PRKAG2: variants seen among roughly 807,000 people sequenced by gnomAD.
PRKAG2 encodes protein kinase AMP-activated non-catalytic subunit gamma 2.
Under a neutral mutation model 69.6 loss-of-function variants are expected in PRKAG2, and 26 were observed. The observed-to-expected ratio is 0.37, with a 90% CI of 0.27 to 0.52. The LOEUF is 0.52. Ranked by LOEUF, PRKAG2 falls within the 20% of genes least tolerant of loss-of-function variation. The pLI, the probability that PRKAG2 is intolerant of heterozygous loss-of-function variation, is 0.90. For missense variants in PRKAG2, 557 were observed against 740.0 expected (o/e 0.75, Z 2.87); for synonymous variants, 293 against 285.0 (o/e 1.03, Z -0.28).
At chr7:151,747,918 CTTTTTTT>C (rs34915377) in intron 3 of PRKAG2, among the ~76,000 whole-genome samples, 5 of 114,270 alleles carry the variant, frequency 4.4e-5, no homozygotes, top group Admixed American at 9.0e-5. Context: ...AAAAAACTTA[CTTTTTTT>C]TTTTTTTTTT....
chr7:151,865,743 G>A (rs940064237), intron 1 of PRKAG2, among the ~76,000 whole-genome samples: 6 of 152,174 alleles, frequency 3.9e-5, no homozygotes, highest in African/African-American at 1.2e-4. Flanking sequence ...GAAGAGGCCG[G>A]GCGCAGTGGC....
chr7:151,655,501 G>C (rs1431021747), intron 4 of PRKAG2, among the ~76,000 whole-genome samples: 1 of 152,158 alleles, frequency 6.6e-6, no homozygotes, highest in Non-Finnish European at 1.5e-5. Flanking sequence ...GCAATGGTAA[G>C]GAGTATGGAT....
intron 3 of PRKAG2, among the ~76,000 whole-genome samples, chr7:151,688,633 G>A (rs530023709): frequency 7.9e-5 from 12 of 152,306 alleles, no homozygotes; most frequent in African/African-American, 2.4e-4. Context: ...ACTGCTTGCC[G>A]CGGAGTGTTT....
chr7:151,693,896 G>C (rs1205217619), intron 3 of PRKAG2, among the ~76,000 whole-genome samples: 1 of 152,248 alleles, frequency 6.6e-6, no homozygotes, highest in Non-Finnish European at 1.5e-5. Flanking sequence ...TTTTGAGACG[G>C]AGTCTCGCAC....
At position 151,850,033 on chromosome 7, in the gene PRKAG2, C is replaced by T. The variant is rs769464944; in HGVS notation, c.114+26474G>A. 6.6e-6 allele frequency among the ~76,000 whole-genome samples: 1 copy of T among 152,168 alleles called. No homozygotes were observed. The highest frequency in any genetic ancestry group is 6.5e-5 in the Admixed American group (1 of 15,284). On this transcript the variant is annotated intron_variant, in intron 1 of 15. Transcript: ENST00000287878. This position sits in a 1 kb window ranked among gnomAD's most constrained non-coding sequence, Gnocchi z 4.1. The stretch of plus-strand genomic sequence containing the variant: ...TTCCGGAGCGTGCTGTAGCTAGGCA[C>T]AGAGAGGCTCTGCTGGGCTGCAGGG...
intron 3 of PRKAG2, among the ~76,000 whole-genome samples, chr7:151,731,535 T>TGTGTGTGTGTGCGC (rs10689682): frequency 3.3e-5 from 5 of 151,696 alleles, no homozygotes; most frequent in African/African-American, 1.2e-4. Context: ...TGTGTGTGTG[T>TGTGTGTGTGTGCGC]GCGCACAGGT....
intron 4 of PRKAG2, among the ~76,000 whole-genome samples, chr7:151,635,629 T>A (rs1415244958): frequency 6.6e-6 from 1 of 152,166 alleles, no homozygotes; most frequent in Non-Finnish European, 1.5e-5. Flanking sequence ...TATTATAGTC[T>A]TGAAATAAAA....
intron 4 of PRKAG2, among the ~76,000 whole-genome samples, chr7:151,674,599 G>A (rs971998704): frequency 6.6e-6 from 1 of 152,130 alleles, no homozygotes; most frequent in Non-Finnish European, 1.5e-5. Flanking sequence ...GTGAAGCCAC[G>A]GAGATTCGCT....
chr7:151,585,179 AC>A (rs1314510195), intron 6 of PRKAG2, among the ~76,000 whole-genome samples: 1 of 152,234 alleles, frequency 6.6e-6, no homozygotes, highest in Non-Finnish European at 1.5e-5. Context: ...TGATATTAGT[AC>A]CTTCACAATT....
At chr7:151,580,206 G>A (rs912975115) in intron 6 of PRKAG2, among the ~76,000 whole-genome samples, 1 of 152,156 alleles carries the variant, frequency 6.6e-6, no homozygotes, top group Non-Finnish European at 1.5e-5. Context: ...AATTAGTCGG[G>A]TGTGGTGGTG....
chr7:151,696,967 C>T (rs1836784063), intron 3 of PRKAG2, among the ~76,000 whole-genome samples: 1 of 152,124 alleles, frequency 6.6e-6, no homozygotes, highest in Non-Finnish European at 1.5e-5. Flanking sequence ...CCGCAGATTC[C>T]CCGAGAGCCA....
Position 151,583,806 on chromosome 7 carries a change from A to G in PRKAG2, c.865-7354T>C, listed in dbSNP as rs6953318. On this transcript the variant is annotated intron_variant, in intron 6 of 15. Coordinates refer to ENST00000287878, the MANE Select transcript of PRKAG2 (RefSeq NM_016203.4). The surrounding 1 kb of genome is among the most constrained non-coding windows in gnomAD (Gnocchi z 4.1). ...TTCAACACATTTCAAAGCAAATGTG[A>G]TAATTAGATAAGAAAAGATGGGAAA... Among the ~76,000 whole-genome samples the G allele has an allele frequency of 0.17, 25,266 of 152,158 alleles. 2,377 individuals carry two copies. The highest frequency in any genetic ancestry group is 0.27 in the East Asian group (1,401 of 5,178).
chr7:151,815,485 C>T (rs764005396), intron 1 of PRKAG2, among the ~76,000 whole-genome samples: 4 of 152,158 alleles, frequency 2.6e-5, no homozygotes, highest in Non-Finnish European at 5.9e-5. Context: ...AGGGCAGGTA[C>T]CAGACAGCTA....
chr7:151,807,395 A>G lies in PRKAG2; in HGVS notation c.115-20854T>C. 1 of 457,344 alleles carries G rather than the reference A, an allele frequency of 2.2e-6. No homozygotes were observed. The highest frequency in any genetic ancestry group is 4.4e-6 in the Non-Finnish European group (1 of 226,530). 28.3% of individuals were successfully genotyped at this position (457,344 alleles called of 1,614,324 possible). A position where few individuals can be genotyped will look rare whatever the true frequency, so the allele number is the denominator to read the frequency against. On this transcript the variant is annotated intron_variant, in intron 1 of 15. Coordinates refer to ENST00000287878, the MANE Select transcript of PRKAG2 (RefSeq NM_016203.4). The surrounding 1 kb of genome is among the most constrained non-coding windows in gnomAD (Gnocchi z 4.4). ...AGCGGGAGTGGAATTTTCAGGAAGC[A>G]GCTGTGCTGTGGGTGACGGTCATAC...
intron 1 of PRKAG2, among the ~76,000 whole-genome samples, chr7:151,798,300 C>A (rs934041001): frequency 6.6e-6 from 1 of 151,920 alleles, no homozygotes. Context: ...CCGTGTCCGG[C>A]CTGTTTTTTT....
chr7:151,556,802 C>A lies in PRKAG2; in HGVS notation c.*399G>T, dbSNP rs112179332. On this transcript the variant is annotated 3_prime_UTR_variant, in exon 16 of 16. Coordinates refer to ENST00000287878, the MANE Select transcript of PRKAG2 (RefSeq NM_016203.4). ...AGCTCGGTGTTGTTTCACACGCGTG[C>A]GCCCCGGCTGCGGCGGTGACATATT... is the stretch of plus-strand genomic sequence containing the variant. 2 of 199,478 alleles carry A rather than the reference C, an allele frequency of 1.0e-5. No individual in the cohort carries two copies. The highest frequency in any genetic ancestry group is 1.4e-4 in the East Asian group (1 of 7,318). The allele number at this position is 199,478 out of a possible 1,614,324, so 12.4% of individuals were successfully genotyped here.
chr7:151,572,741 T>C (rs1584980225), intron 8 of PRKAG2, 32 bp from the exon 9 acceptor site: 1 of 1,277,254 alleles, frequency 7.8e-7, no homozygotes, highest in Non-Finnish European at 1.1e-6. Flanking sequence ...TTTATAAATA[T>C]ACATATACAA....
At chr7:151,577,170 A>AT (rs11432475) in intron 6 of PRKAG2, among the ~76,000 whole-genome samples, 4 of 151,832 alleles carry the variant, frequency 2.6e-5, no homozygotes, top group East Asian at 1.9e-4. Context: ...TTTCAATGAG[A>AT]AAACAAGCAT....
chr7:151,671,776 A>G (rs572976998), intron 4 of PRKAG2, among the ~76,000 whole-genome samples: 2 of 152,360 alleles, frequency 1.3e-5, no homozygotes, highest in East Asian at 3.9e-4. Flanking sequence ...ACGCAGGTGA[A>G]GGCAGCCCTT....
Sources: gnomAD v4.1 joint callset for allele counts (sites outside exome capture counted in the v4.1 genomes callset) on GRCh38, gnomAD v4.1.1 for gene constraint, Gnocchi (gnomAD v3.1) non-coding constraint, MANE v1.5 for transcripts, NCBI Gene and HGNC (gene_info 2026-07-23, HGNC 2026-07-21) for gene names.